Variants in ACOXL observed in about 807,000 individuals in gnomAD.
ACOXL encodes the protein acyl-CoA oxidase like, also known as acyl-coenzyme A oxidase-like protein.
In ACOXL, 70 loss-of-function variants were observed where a neutral mutation model predicts 71.9. The observed-to-expected ratio is 0.97, with a 90% CI of 0.80 to 1.19. The LOEUF is 1.19. Ranked by LOEUF, ACOXL falls within the 50% of genes most tolerant of loss-of-function variation. The pLI is 0.00. For missense variants in ACOXL, 703 were observed against 736.3 expected (o/e 0.95, Z 0.52); for synonymous variants, 253 against 281.6 (o/e 0.90, Z 1.02).
chr2:110,846,813 G>A (rs550899168), intron 10 of ACOXL, among the ~76,000 whole-genome samples: 5 of 151,996 alleles, frequency 3.3e-5, no homozygotes, highest in African/African-American at 1.2e-4. Context: ...GTTTGTGTGT[G>A]TCTTCATATG....
At chr2:110,798,761 T>G (rs3814024) in intron 6 of ACOXL, 37 bp downstream of exon 6, 1 of 1,564,054 alleles carries the variant, frequency 6.4e-7, no homozygotes, top group Middle Eastern at 1.7e-4. Flanking sequence ...ATAATTCTCT[T>G]CATTAGTACT....
At chr2:110,754,564 A>C (rs1247649153) in intron 1 of ACOXL, among the ~76,000 whole-genome samples, 1 of 152,246 alleles carries the variant, frequency 6.6e-6, no homozygotes, top group Non-Finnish European at 1.5e-5. Context: ...ATAAAATTGG[A>C]ATTATGTAAT....
chr2:110,802,458 A>G (rs1190677835), intron 8 of ACOXL, among the ~76,000 whole-genome samples: 2 of 152,270 alleles, frequency 1.3e-5, no homozygotes, highest in African/African-American at 4.8e-5. Flanking sequence ...CAATCAGGGT[A>G]CACACAACCA....
chr2:111,116,657 G>A (rs2070374276), intron 17 of ACOXL, among the ~76,000 whole-genome samples: 2 of 152,138 alleles, frequency 1.3e-5, no homozygotes, highest in African/African-American at 4.8e-5. Context: ...AAAACCTGGG[G>A]ATTTACTGTG....
At chr2:111,060,934 G>A (rs562572773) in intron 16 of ACOXL, among the ~76,000 whole-genome samples, 1 of 152,252 alleles carries the variant, frequency 6.6e-6, no homozygotes, top group South Asian at 2.1e-4. Context: ...GAAAGAATAA[G>A]TGAACTGGAA....
intron 10 of ACOXL, among the ~76,000 whole-genome samples, chr2:110,863,934 C>T (rs1419391389): frequency 1.1e-4 from 16 of 152,116 alleles, no homozygotes; most frequent in Admixed American, 9.2e-4. Flanking sequence ...GTGTGTTTCC[C>T]TGGGGGTGCA....
At chr2:110,881,175 A>G (rs950884731) in intron 10 of ACOXL, among the ~76,000 whole-genome samples, 1 of 151,674 alleles carries the variant, frequency 6.6e-6, no homozygotes, top group Non-Finnish European at 1.5e-5. Flanking sequence ...ATATATACAC[A>G]CATATATATT....
rs767818976 is a variant in ACOXL at position 110,793,716 on chromosome 2, A to G, written c.226A>G (p.Lys76Glu). 4 of 1,613,932 alleles carry G rather than the reference A, an allele frequency of 2.5e-6. No individual in the cohort carries two copies. Among genetic ancestry groups the G allele is most frequent in the South Asian group, 1.1e-5 (1 of 91,074 alleles). ...RNLGSPEHVT[K>E]WFQPLQEQKY... ...TCTCGGAAGCCCTGAACATGTTACT[A>G]AGTGGTTTCAGCCACTCCAGGTATG... The change falls in exon 4 of 18, where the codon AAG becomes GAG. Residue 76 changes from lysine (K) to glutamate (E), a missense_variant. By Grantham distance (56) the Lys-to-Glu change is moderately conservative. Coordinates refer to ENST00000439055, the MANE Select transcript of ACOXL (RefSeq NM_001142807.4).
intron 1 of ACOXL, among the ~76,000 whole-genome samples, chr2:110,767,636 C>T (rs980389893): frequency 1.3e-5 from 2 of 152,170 alleles, no homozygotes; most frequent in East Asian, 1.9e-4. Flanking sequence ...CAGGTAATCT[C>T]GAAGGCAACC....
At chr2:110,842,181 A>G (rs923761293) in intron 10 of ACOXL, among the ~76,000 whole-genome samples, 3 of 152,188 alleles carry the variant, frequency 2.0e-5, no homozygotes, top group Non-Finnish European at 2.9e-5. Context: ...CATGGTTTCA[A>G]TATACACGTG....
At chr2:110,883,516 G>A (rs1696926734) in intron 10 of ACOXL, among the ~76,000 whole-genome samples, 2 of 152,114 alleles carry the variant, frequency 1.3e-5, no homozygotes, top group South Asian at 2.1e-4. Context: ...CTTTTTAATA[G>A]CATCCTTTTT....
intron 10 of ACOXL, among the ~76,000 whole-genome samples, chr2:110,897,301 A>G (rs566017608): frequency 6.6e-6 from 1 of 152,326 alleles, no homozygotes; most frequent in African/African-American, 2.4e-5. Flanking sequence ...GTCTCAAATC[A>G]ATATCTAAGC....
In ACOXL at chr2:110,769,226, A is replaced by AAAAGAAAGAAAGAAAG. The variant is rs10599265; in HGVS notation, c.75+786_75+801dup. On this transcript the variant is annotated intron_variant, in intron 2 of 17. Coordinates refer to ENST00000439055, the MANE Select transcript of ACOXL (RefSeq NM_001142807.4). ...ATTTTAGTCAATTTAGCCTCATGAA[A>AAAAGAAAGAAAGAAAG]AAAGAAAGAAAGAAAGAAAGAAAGA... Among the ~76,000 whole-genome samples the AAAAGAAAGAAAGAAAG allele has an allele frequency of 7.3e-3, 1,092 of 148,722 alleles. 19 individuals are homozygous for AAAAGAAAGAAAGAAAG. The highest frequency in any genetic ancestry group is 0.026 in the African/African-American group (1,047 of 39,548).
chr2:110,981,336 C>T (rs1053786378), intron 12 of ACOXL, among the ~76,000 whole-genome samples: 4 of 152,148 alleles, frequency 2.6e-5, no homozygotes, highest in Non-Finnish European at 4.4e-5. Flanking sequence ...CCTGCCTGGG[C>T]GACAGAGTGA....
chr2:111,095,391 C>CTTTTT (rs780172456), intron 17 of ACOXL, among the ~76,000 whole-genome samples: 12 of 116,580 alleles, frequency 1.0e-4, no homozygotes, highest in Non-Finnish European at 1.4e-4. Context: ...TTTTCTTTTT[C>CTTTTT]TTTTTTTTTT....
intron 1 of ACOXL, among the ~76,000 whole-genome samples, chr2:110,737,634 A>G (rs1677028198): frequency 6.6e-6 from 1 of 152,226 alleles, no homozygotes; most frequent in Non-Finnish European, 1.5e-5. Context: ...GAAACAGAAC[A>G]GATACAACAG....
chr2:111,032,258 G>C (rs989962159), intron 15 of ACOXL, among the ~76,000 whole-genome samples: 1 of 151,310 alleles, frequency 6.6e-6, no homozygotes, highest in Non-Finnish European at 1.5e-5. Flanking sequence ...AGACGTTTTT[G>C]GTTGTCACAC....
At chr2:110,807,688 C>T (rs550139720) in intron 9 of ACOXL, among the ~76,000 whole-genome samples, 4 of 152,174 alleles carry the variant, frequency 2.6e-5, no homozygotes, top group South Asian at 4.1e-4. Flanking sequence ...TGACCCGGGC[C>T]GCTGTGATCT....
intron 11 of ACOXL, among the ~76,000 whole-genome samples, chr2:110,918,618 C>G (rs972171665): frequency 6.6e-6 from 1 of 152,116 alleles, no homozygotes; most frequent in Non-Finnish European, 1.5e-5. Context: ...GAACAGGCAA[C>G]CTATATAATG....
Sources: allele counts gnomAD v4.1 joint callset (sites outside exome capture counted in the v4.1 genomes callset), GRCh38; gene constraint gnomAD v4.1.1; transcripts MANE v1.5; gene names NCBI Gene and HGNC (gene_info 2026-07-23, HGNC 2026-07-21).